CNTNAP4: variants seen among roughly 807,000 people sequenced by gnomAD.
CNTNAP4 encodes the protein contactin-associated protein-like 4.
Under a neutral mutation model 148.4 loss-of-function variants are expected in CNTNAP4, and 98 were observed. That is an observed-to-expected ratio of 0.66 (90% confidence interval 0.56 to 0.78). CNTNAP4 has a LOEUF of 0.78. Ranked by LOEUF, CNTNAP4 falls within the 30% of genes least tolerant of loss-of-function variation. The pLI is 0.00. For synonymous variants in CNTNAP4, 730 were observed against 565.1 expected (o/e 1.29, Z -4.14); for missense variants, 1,935 against 1,565.6 (o/e 1.24, Z -3.98).
intron 1 of CNTNAP4, among the ~76,000 whole-genome samples, chr16:76,297,033 A>T (rs990052979): frequency 2.0e-5 from 3 of 152,224 alleles, no homozygotes; most frequent in Admixed American, 6.5e-5. Context: ...ACAAAGTTGT[A>T]AAGAAGTAAC....
intron 9 of CNTNAP4, among the ~76,000 whole-genome samples, chr16:76,463,720 C>G (rs1240762060): frequency 1.3e-5 from 2 of 152,122 alleles, no homozygotes; most frequent in African/African-American, 4.8e-5. Context: ...TGTCTCTCTG[C>G]TAAAGAAAGA....
At chr16:76,324,682 C>A (rs988795491) in intron 2 of CNTNAP4, among the ~76,000 whole-genome samples, 2 of 152,266 alleles carry the variant, frequency 1.3e-5, no homozygotes, top group East Asian at 3.9e-4. Context: ...CCATGTCATA[C>A]AACTGGCAGC....
At chr16:76,511,292 A>C (rs2083016440) in intron 15 of CNTNAP4, among the ~76,000 whole-genome samples, 1 of 152,170 alleles carries the variant, frequency 6.6e-6, no homozygotes, top group African/African-American at 2.4e-5. Flanking sequence ...TCGTTCCAAA[A>C]AATTCTTGAG....
At chr16:76,342,507 C>G (rs928159182) in intron 2 of CNTNAP4, among the ~76,000 whole-genome samples, 3 of 108,932 alleles carry the variant, frequency 2.8e-5, no homozygotes, top group Non-Finnish European at 5.1e-5. Context: ...GAGTCTTGCT[C>G]TGTCGCCCAG....
At chr16:76,539,925 G>T (rs757385788) in intron 20 of CNTNAP4, 73 bp downstream of exon 20, 37 of 1,117,444 alleles carry the variant, frequency 3.3e-5, no homozygotes, top group Non-Finnish European at 4.4e-5. Flanking sequence ...GCAGAAATTT[G>T]ATAATGAACA....
intron 11 of CNTNAP4, among the ~76,000 whole-genome samples, chr16:76,479,005 T>C (rs1693216142): frequency 6.6e-6 from 1 of 152,150 alleles, no homozygotes; most frequent in Non-Finnish European, 1.5e-5. Flanking sequence ...GAAGTTACAC[T>C]GTTGTGCTTC....
intron 11 of CNTNAP4, among the ~76,000 whole-genome samples, chr16:76,479,085 A>T (rs2081704645): frequency 6.6e-6 from 1 of 152,090 alleles, no homozygotes; most frequent in South Asian, 2.1e-4. Flanking sequence ...TTATGACATT[A>T]TACTTATAAG....
chr16:76,315,668 C>T (rs1961651009), intron 1 of CNTNAP4, among the ~76,000 whole-genome samples: 4 of 150,092 alleles, frequency 2.7e-5, no homozygotes, highest in Admixed American at 2.6e-4. Context: ...GATCTCGGCT[C>T]ACTGCAACCT....
At chr16:76,338,790 G>C (rs529228591) in intron 2 of CNTNAP4, among the ~76,000 whole-genome samples, 98 of 152,142 alleles carry the variant, frequency 6.4e-4, no homozygotes, top group African/African-American at 2.2e-3. Context: ...CAACCTTTTG[G>C]CTCAGTCTCT....
chr16:76,353,570 A>G (rs1481743109), intron 2 of CNTNAP4, among the ~76,000 whole-genome samples: 3 of 152,180 alleles, frequency 2.0e-5, no homozygotes, highest in Non-Finnish European at 4.4e-5. Flanking sequence ...GTACCAGACA[A>G]CTAGGGGTGT....
intron 4 of CNTNAP4, among the ~76,000 whole-genome samples, chr16:76,436,511 TGACTCGGGTCAGTCTTA>T (rs1352816604): frequency 1.2e-4 from 19 of 152,188 alleles, no homozygotes; most frequent in African/African-American, 4.6e-4. Context: ...GATAAGACTC[TGACTCGGGTCAGTCTTA>T]GAAGATTTGA....
At chr16:76,376,903 A>AGG (rs1281326647) in intron 3 of CNTNAP4, among the ~76,000 whole-genome samples, 28 of 121,422 alleles carry the variant, frequency 2.3e-4, no homozygotes, top group African/African-American at 9.5e-4. Context: ...AAAACTAACA[A>AGG]GGTTTGTGTG....
intron 2 of CNTNAP4, among the ~76,000 whole-genome samples, chr16:76,325,949 C>A (rs1218453954): frequency 2.0e-5 from 3 of 152,028 alleles, no homozygotes; most frequent in Admixed American, 6.6e-5. Context: ...TAAAATATTT[C>A]TCTACCTGTA....
chr16:76,315,402 A>C (rs1401730740), intron 1 of CNTNAP4, among the ~76,000 whole-genome samples: 1 of 152,326 alleles, frequency 6.6e-6, no homozygotes, highest in Non-Finnish European at 1.5e-5. Flanking sequence ...GGGAAAGTTC[A>C]AATATACGTC....
chr16:76,345,900 C>T (rs1964862824), intron 2 of CNTNAP4, among the ~76,000 whole-genome samples: 1 of 152,140 alleles, frequency 6.6e-6, no homozygotes, highest in Non-Finnish European at 1.5e-5. Context: ...AATGTTAAAG[C>T]TGTCTTCATC....
chr16:76,550,649 T>G (rs2084919156), intron 21 of CNTNAP4, among the ~76,000 whole-genome samples: 1 of 146,500 alleles, frequency 6.8e-6, no homozygotes, highest in East Asian at 2.0e-4. Flanking sequence ...AATTTTTATT[T>G]TCTTTTTAAT....
intron 1 of CNTNAP4, chr16:76,287,879 C>G (rs535786455): frequency 1.3e-5 from 2 of 152,266 alleles, no homozygotes; most frequent in South Asian, 4.1e-4. Flanking sequence ...CAAGTTTTGC[C>G]TTGCAGCTAT....
At chr16:76,334,690 A>G (rs1963864983) in intron 2 of CNTNAP4, among the ~76,000 whole-genome samples, 1 of 152,188 alleles carries the variant, frequency 6.6e-6, no homozygotes, top group Non-Finnish European at 1.5e-5. Flanking sequence ...GAAAAAGTAC[A>G]GTATGCTATT....
In CNTNAP4 at chr16:76,339,239, A is replaced by G. The variant is rs559406972; in HGVS notation, c.197-16079A>G. ...TGCTGCCAGAGATCACTGAGCTTCT[A>G]TAATGTTTATTAACAATTGGAAATG... is the stretch of plus-strand genomic sequence containing the variant. On this transcript the variant is annotated intron_variant, in intron 2 of 23. Transcript: ENST00000611870. 2.6e-5 allele frequency among the ~76,000 whole-genome samples: 4 copies of G among 152,272 alleles called. No homozygotes were observed. In the South Asian group the frequency reaches 8.3e-4, roughly 32 times the overall value.
Sources: gnomAD v4.1 joint callset for allele counts (sites outside exome capture counted in the v4.1 genomes callset) on GRCh38, gnomAD v4.1.1 for gene constraint, MANE v1.5 for transcripts, NCBI Gene and HGNC (gene_info 2026-07-23, HGNC 2026-07-21) for gene names.